PLCB4: variants seen among roughly 807,000 people sequenced by gnomAD.
PLCB4 encodes 1-phosphatidylinositol 4,5-bisphosphate phosphodiesterase beta-4.
Under a neutral mutation model 178.8 loss-of-function variants are expected in PLCB4, and 77 were observed. That is an observed-to-expected ratio of 0.43 (90% CI 0.36 to 0.52). The LOEUF (loss-of-function observed/expected upper bound fraction) is 0.52. Ranked by LOEUF, PLCB4 falls within the 20% of genes least tolerant of loss-of-function variation. PLCB4 has a pLI of 0.00. For synonymous variants in PLCB4, 496 were observed against 490.8 expected, an observed-to-expected ratio of 1.01 and a Z score of -0.14; for missense variants, 1,024 against 1,453.4, an observed-to-expected ratio of 0.70 and a Z score of 4.80.
chr20:9,227,029 C>A (rs966655355), intron 3 of PLCB4, among the ~76,000 whole-genome samples: 3 of 151,916 alleles, frequency 2.0e-5, no homozygotes, highest in African/African-American at 7.2e-5. Context: ...ATGGTACCTC[C>A]TTGTGGTTTT....
chr20:9,360,222 C>CT, intron 7 of PLCB4, among the ~76,000 whole-genome samples: 1 of 152,210 alleles, frequency 6.6e-6, no homozygotes. Flanking sequence ...CCCTTTAGGG[C>CT]TTCTGAGGAT....
At chr20:9,147,010 T>TC (rs1310962454) in intron 2 of PLCB4, among the ~76,000 whole-genome samples, 3 of 152,124 alleles carry the variant, frequency 2.0e-5, no homozygotes, top group Non-Finnish European at 2.9e-5. Context: ...TCTTAAGGTG[T>TC]TTTGTTAATT....
At chr20:9,306,748 A>G (rs935369200) in intron 3 of PLCB4, among the ~76,000 whole-genome samples, 2 of 152,156 alleles carry the variant, frequency 1.3e-5, no homozygotes, top group Non-Finnish European at 2.9e-5. Flanking sequence ...GGTTGTAGTT[A>G]TTGCATACAT....
intron 28 of PLCB4, among the ~76,000 whole-genome samples, chr20:9,430,185 A>C (rs565396622): frequency 1.3e-5 from 2 of 152,386 alleles, no homozygotes; most frequent in East Asian, 3.9e-4. Flanking sequence ...CCTGGGCCAC[A>C]TGTGGCCTGT....
intron 34 of PLCB4, among the ~76,000 whole-genome samples, chr20:9,458,164 C>T (rs1471986521): frequency 6.6e-6 from 1 of 152,166 alleles, no homozygotes; most frequent in African/African-American, 2.4e-5. Flanking sequence ...GTTGAACCAG[C>T]CAGCCTCATC....
chr20:9,270,826 A>G (rs990531075), intron 3 of PLCB4, among the ~76,000 whole-genome samples: 1 of 151,996 alleles, frequency 6.6e-6, no homozygotes, highest in African/African-American at 2.4e-5. Context: ...GAGTTTTCCA[A>G]AAAAAAACAA....
In PLCB4 at chr20:9,429,076, G is replaced by T. The variant is rs184802489; in HGVS notation, c.2524+5124G>T. Reference sequence around the variant, plus strand: ...ATGACATTATGCCCAGAAATAGATGGTGTTTTTAAAAATACACATAAGTAG... The same window carrying T: ...ATGACATTATGCCCAGAAATAGATGTTGTTTTTAAAAATACACATAAGTAG... On this transcript the variant is annotated intron_variant, in intron 28 of 39. Transcript: ENST00000378473. Among the ~76,000 whole-genome samples, 6 of 152,262 alleles carry T rather than the reference G, an allele frequency of 3.9e-5. No individual in the cohort carries two copies. In the East Asian group the frequency reaches 1.2e-3, roughly 29 times the overall value.
chr20:9,250,428 T>A (rs1242723353), intron 3 of PLCB4, among the ~76,000 whole-genome samples: 1 of 152,232 alleles, frequency 6.6e-6, no homozygotes. Flanking sequence ...TGAATTCCCC[T>A]AAGATGTTCA....
chr20:9,070,361 G>C (rs1176339279), intron 1 of PLCB4, among the ~76,000 whole-genome samples: 1 of 152,144 alleles, frequency 6.6e-6, no homozygotes, highest in Non-Finnish European at 1.5e-5. Flanking sequence ...TTGTTTTCAA[G>C]ACGGCTGTTT....
intron 2 of PLCB4, among the ~76,000 whole-genome samples, chr20:9,149,294 G>A (rs188422200): frequency 3.2e-4 from 49 of 152,162 alleles, no homozygotes; most frequent in African/African-American, 1.1e-3. Flanking sequence ...CTCTGATAAC[G>A]TCACATCCTT....
At chr20:9,239,805 T>C (rs533258903) in intron 3 of PLCB4, among the ~76,000 whole-genome samples, 1 of 152,298 alleles carries the variant, frequency 6.6e-6, no homozygotes, top group East Asian at 1.9e-4. Flanking sequence ...CAGTCTTCAG[T>C]CTGTGGCCAA....
At chr20:9,440,830 G>T (rs1410270689) in intron 30 of PLCB4, among the ~76,000 whole-genome samples, 2 of 152,186 alleles carry the variant, frequency 1.3e-5, no homozygotes, top group Non-Finnish European at 2.9e-5. Context: ...AAAGGAAAAG[G>T]TTAAAGGGAA....
At chr20:9,235,658 G>A (rs899256256) in intron 3 of PLCB4, among the ~76,000 whole-genome samples, 4 of 152,196 alleles carry the variant, frequency 2.6e-5, no homozygotes, top group African/African-American at 9.6e-5. Context: ...ATGTAGAAGT[G>A]GGTTGTTGGG....
chr20:9,337,287 G>A, intron 5 of PLCB4, 81 bp downstream of exon 5: 1 of 924,780 alleles, frequency 1.1e-6, no homozygotes, highest in Non-Finnish European at 1.8e-6. Context: ...ACTGAGTGCT[G>A]TTGATGAACC....
intron 2 of PLCB4, among the ~76,000 whole-genome samples, chr20:9,105,842 G>A (rs2091342644): frequency 6.6e-6 from 1 of 151,924 alleles, no homozygotes; most frequent in African/African-American, 2.4e-5. Flanking sequence ...AAGATAAACT[G>A]TAAATTTATG....
At chr20:9,227,224 G>A (rs1176660987) in intron 3 of PLCB4, among the ~76,000 whole-genome samples, 1 of 150,982 alleles carries the variant, frequency 6.6e-6, no homozygotes, top group African/African-American at 2.4e-5. Context: ...TCAGATATAT[G>A]ACTTGAAGAT....
chr20:9,103,975 G>T (rs746011196), intron 2 of PLCB4, among the ~76,000 whole-genome samples: 1 of 151,972 alleles, frequency 6.6e-6, no homozygotes, highest in African/African-American at 2.4e-5. Context: ...CTCTAAATTG[G>T]TCTCTGTTCC....
intron 3 of PLCB4, among the ~76,000 whole-genome samples, chr20:9,233,493 A>G (rs914403082): frequency 1.3e-5 from 2 of 152,148 alleles, no homozygotes; most frequent in African/African-American, 4.8e-5. Context: ...AAACATTAAG[A>G]AAATAAAAGG....
chr20:9,162,115 G>A (rs2092898319), intron 2 of PLCB4, among the ~76,000 whole-genome samples: 1 of 152,042 alleles, frequency 6.6e-6, no homozygotes, highest in African/African-American at 2.4e-5. Flanking sequence ...GATGACCCAG[G>A]CAGATGGAAT....
Sources: gnomAD v4.1 joint callset for allele counts (sites outside exome capture counted in the v4.1 genomes callset) on GRCh38, gnomAD v4.1.1 for gene constraint, MANE v1.5 for transcripts, NCBI Gene and HGNC (gene_info 2026-07-23, HGNC 2026-07-21) for gene names.